The following PDE10A variants were observed in gnomAD, a reference collection of about 807,000 sequenced individuals.
PDE10A encodes the protein phosphodiesterase 10A.
PDE10A carries 39 observed loss-of-function variants against 97.7 expected under a neutral mutation model. The ratio of observed to expected loss-of-function variants is 0.40; its 90% CI spans 0.31 to 0.52. The LOEUF (loss-of-function observed/expected upper bound fraction) is 0.52, where lower values mean the gene tolerates loss of function less well. PDE10A is among the 20% of genes least tolerant of loss of function. The probability of loss-of-function intolerance (pLI) is 0.56; values close to 1 mark genes in which losing one functional copy is unlikely to be tolerated. For missense variants in PDE10A, 731 were observed against 1,047.8 expected (o/e 0.70, Z 4.17); for synonymous variants, 371 against 376.8 (o/e 0.98, Z 0.18).
At chr6:165,508,100 A>G (rs930226755) in intron 2 of PDE10A, among the ~76,000 whole-genome samples, 1 of 152,062 alleles carries the variant, frequency 6.6e-6, no homozygotes, top group Non-Finnish European at 1.5e-5. Context: ...ACTTGACAAA[A>G]CGACACGTAC....
chr6:165,793,577 C>T (rs1778718940), intron 1 of PDE10A, among the ~76,000 whole-genome samples: 1 of 152,184 alleles, frequency 6.6e-6, no homozygotes, highest in African/African-American at 2.4e-5. Context: ...TCCACACCCC[C>T]AGCTTTCCAT....
chr6:165,584,278 G>A (rs1785780441), intron 1 of PDE10A, among the ~76,000 whole-genome samples: 1 of 152,134 alleles, frequency 6.6e-6, no homozygotes, highest in Admixed American at 6.5e-5. Flanking sequence ...CTGACCCCTG[G>A]GCCAGTCATG....
chr6:165,724,644 C>T (rs142271561), intron 1 of PDE10A, among the ~76,000 whole-genome samples: 2 of 152,164 alleles, frequency 1.3e-5, no homozygotes, highest in Non-Finnish European at 2.9e-5. Context: ...CTAAGATAGG[C>T]TTACAAGAAT....
intron 3 of PDE10A, 119 bp downstream of exon 3, chr6:165,482,196 G>A (rs1779644287): frequency 2.6e-6 from 2 of 778,176 alleles, no homozygotes; most frequent in South Asian, 1.5e-5. Flanking sequence ...ACTTTGGAGA[G>A]GAAACTCAGT....
intron 1 of PDE10A, among the ~76,000 whole-genome samples, chr6:165,760,556 T>C (rs1691469163): frequency 6.6e-6 from 1 of 152,210 alleles, no homozygotes; most frequent in African/African-American, 2.4e-5. Context: ...CAAATGTTTG[T>C]TGAATGGGTG....
Position 165,496,609 on chromosome 6 carries a change from C to T in PDE10A, c.995-14266G>A, listed in dbSNP as rs372714592. Among the ~76,000 whole-genome samples the T allele has an allele frequency of 7.2e-5, 11 of 152,290 alleles. No homozygotes were observed. In the East Asian group the frequency reaches 1.2e-3, roughly 16 times the overall value. On this transcript the variant is annotated intron_variant, in intron 2 of 21. Coordinates refer to ENST00000539869, the MANE Select transcript of PDE10A (RefSeq NM_001385079.1). ...TGCCTTCCACTGATAGCTGGACACACGTGAAGGACTTAACTTCTTAACTAA... is the reference window on the plus strand; with the variant it reads ...TGCCTTCCACTGATAGCTGGACACATGTGAAGGACTTAACTTCTTAACTAA...
At chr6:165,788,384 G>A (rs1778551477) in intron 1 of PDE10A, among the ~76,000 whole-genome samples, 1 of 151,738 alleles carries the variant, frequency 6.6e-6, no homozygotes, top group African/African-American at 2.4e-5. Flanking sequence ...GGGCATGGTG[G>A]TGAGCACCTG....
intron 3 of PDE10A, among the ~76,000 whole-genome samples, chr6:165,456,305 A>G (rs2128253741): frequency 6.6e-6 from 1 of 152,318 alleles, no homozygotes; most frequent in Non-Finnish European, 1.5e-5. Flanking sequence ...CATGTGTAAA[A>G]ATCACTAGAT....
chr6:165,486,451 T>C (rs1360989703), intron 2 of PDE10A, among the ~76,000 whole-genome samples: 2 of 152,186 alleles, frequency 1.3e-5, no homozygotes, highest in Non-Finnish European at 2.9e-5. Context: ...TGGAGCTCCT[T>C]AGGTCGCTTC....
At chr6:165,570,684 C>T (rs1785006985) in intron 1 of PDE10A, among the ~76,000 whole-genome samples, 1 of 152,176 alleles carries the variant, frequency 6.6e-6, no homozygotes, top group African/African-American at 2.4e-5. Flanking sequence ...ACATACATCA[C>T]TTTCTTAAGC....
chr6:165,981,802 C>T (rs2128504082), intron 1 of PDE10A, among the ~76,000 whole-genome samples: 1 of 152,254 alleles, frequency 6.6e-6, no homozygotes, highest in African/African-American at 2.4e-5. Flanking sequence ...GGGCCATGCC[C>T]ATTTTTTAAT....
intron 1 of PDE10A, among the ~76,000 whole-genome samples, chr6:165,833,642 A>G (rs1381629953): frequency 1.3e-5 from 2 of 152,216 alleles, no homozygotes; most frequent in Non-Finnish European, 2.9e-5. Flanking sequence ...TCCTGGAGGG[A>G]GCAGCTGCTC....
At chr6:165,781,007 G>T (rs1562733590) in intron 1 of PDE10A, 1 of 152,284 alleles carries the variant, frequency 6.6e-6, no homozygotes, top group East Asian at 1.9e-4. Flanking sequence ...AATCACTGAT[G>T]CAGATCCCTC....
Position 165,795,613 on chromosome 6 carries a change from C to T in PDE10A, c.-615+191916G>A, listed in dbSNP as rs978872926. 3.9e-5 allele frequency among the ~76,000 whole-genome samples: 6 copies of T among 152,036 alleles called. No individual in the cohort carries two copies. In the South Asian group the frequency reaches 1.2e-3, roughly 32 times the overall value. ...ACAAACAAACAAAAAAACCAGCAGA[C>T]GCGGTGGTAGGTGCTGTAATTCCAG... is the stretch of plus-strand genomic sequence containing the variant. On this transcript the variant is annotated intron_variant, in intron 1 of 19. Coordinates refer to the PDE10A transcript ENST00000366882.
At chr6:165,499,750 G>T (rs1034194933) in intron 2 of PDE10A, among the ~76,000 whole-genome samples, 1 of 152,094 alleles carries the variant, frequency 6.6e-6, no homozygotes, top group Non-Finnish European at 1.5e-5. Context: ...ATGATTAACT[G>T]CTACAGAAAT....
Position 165,848,485 on chromosome 6 carries a change from C to T in PDE10A, c.-615+139044G>A, listed in dbSNP as rs150046903. Reference sequence around the variant, plus strand: ...GGCTCTGGACAATAGATCTTTGGCCCCTGATTAAATTCCATATGCTATTAA... The same window carrying T: ...GGCTCTGGACAATAGATCTTTGGCCTCTGATTAAATTCCATATGCTATTAA... On this transcript the variant is annotated intron_variant, in intron 1 of 19. Coordinates refer to the PDE10A transcript ENST00000366882. Among the ~76,000 whole-genome samples the T allele has an allele frequency of 1.6e-3, 241 of 152,230 alleles. 1 individual carries two copies. The highest frequency in any genetic ancestry group is 5.6e-3 in the African/African-American group (234 of 41,534).
chr6:165,815,480 G>T (rs76950922), intron 1 of PDE10A, among the ~76,000 whole-genome samples: 1,905 of 152,292 alleles, frequency 0.013, 47 homozygotes, highest in African/African-American at 0.044. Context: ...GGGTAACGAA[G>T]GGTGGAAGGA....
chr6:165,634,320 G>C (rs1261799902), intron 1 of PDE10A, among the ~76,000 whole-genome samples: 1 of 152,160 alleles, frequency 6.6e-6, no homozygotes, highest in Non-Finnish European at 1.5e-5. Flanking sequence ...GGTTTCTTGA[G>C]AGAACAGGGC....
At chr6:165,392,576 A>G in intron 16 of PDE10A, 70 bp downstream of exon 16, 1 of 1,422,806 alleles carries the variant, frequency 7.0e-7, no homozygotes, top group Non-Finnish European at 9.7e-7. Flanking sequence ...CATGTCATCA[A>G]TGTGCTCCTG....
Sources: allele counts gnomAD v4.1 joint callset (sites outside exome capture counted in the v4.1 genomes callset), GRCh38; gene constraint gnomAD v4.1.1; transcripts MANE v1.5; gene names NCBI Gene and HGNC (gene_info 2026-07-23, HGNC 2026-07-21).